The following CPLANE1 variants were observed in gnomAD, a reference collection of about 807,000 sequenced individuals.
CPLANE1 encodes the protein ciliogenesis and planar polarity effector complex subunit 1, also known as ciliogenesis and planar polarity effector 1.
Under a neutral mutation model 362.5 loss-of-function variants are expected in CPLANE1, and 263 were observed. That is an observed-to-expected ratio of 0.73 (90% CI 0.66 to 0.80). The LOEUF (loss-of-function observed/expected upper bound fraction) is 0.80, where lower values mean the gene tolerates loss of function less well. Among genes scored for constraint, CPLANE1 ranks in the 30% least tolerant of loss-of-function variants. The pLI is 0.00. For missense variants in CPLANE1, 3,461 were observed against 3,793.4 expected (o/e 0.91, Z 2.30); for synonymous variants, 1,212 against 1,302.6 (o/e 0.93, Z 1.50).
At chr5:37,099,820 C>G in the CPLANE1 span, among the ~76,000 whole-genome samples, 4 of 151,076 alleles carry the variant, frequency 2.6e-5, no homozygotes, top group Non-Finnish European at 5.9e-5. Context: ...TTCTTGACAT[C>G]TTAATTATCT....
intron 42 of CPLANE1, among the ~76,000 whole-genome samples, chr5:37,152,753 G>A (rs1245357041): frequency 6.6e-6 from 1 of 152,064 alleles, no homozygotes; most frequent in African/African-American, 2.4e-5. Flanking sequence ...GCTGAGAGTG[G>A]TGGTGCACAC....
At chr5:37,244,927 G>A (rs1356121842) in intron 4 of CPLANE1, among the ~76,000 whole-genome samples, 1 of 151,874 alleles carries the variant, frequency 6.6e-6, no homozygotes, top group Non-Finnish European at 1.5e-5. Context: ...AAGGCTGGGT[G>A]GATCACGAGG....
intron 10 of CPLANE1, 61 bp from the exon 11 acceptor site, chr5:37,227,453 G>A: frequency 1.3e-6 from 2 of 1,486,060 alleles, no homozygotes; most frequent in Non-Finnish European, 1.8e-6. Flanking sequence ...TCTATTATAA[G>A]CAATTAAAAA....
chr5:37,214,407 G>A (rs1412768733), intron 15 of CPLANE1, among the ~76,000 whole-genome samples: 2 of 152,030 alleles, frequency 1.3e-5, no homozygotes, highest in Admixed American at 6.6e-5. Context: ...TCTAGGAGGC[G>A]GAGGCTGCAG....
At chr5:37,227,156 C>G in intron 11 of CPLANE1, 83 bp from the exon 12 acceptor site, 2 of 1,506,978 alleles carry the variant, frequency 1.3e-6, no homozygotes, top group Non-Finnish European at 1.8e-6. Flanking sequence ...TTAAATTTCT[C>G]TTCCCTTTAA....
chr5:37,248,133 T>C (rs887833439), intron 1 of CPLANE1, among the ~76,000 whole-genome samples: 1 of 151,658 alleles, frequency 6.6e-6, no homozygotes, highest in Non-Finnish European at 1.5e-5. Context: ...TTTTGATTTA[T>C]ATTTTATTTC....
the CPLANE1 span, among the ~76,000 whole-genome samples, chr5:37,082,521 G>A: frequency 4.6e-5 from 7 of 152,200 alleles, no homozygotes; most frequent in Admixed American, 1.3e-4. Context: ...GAGCCCAGAT[G>A]TAAACCCAAG....
At chr5:37,194,547 G>T (rs1786647920) in intron 21 of CPLANE1, among the ~76,000 whole-genome samples, 1 of 152,112 alleles carries the variant, frequency 6.6e-6, no homozygotes, top group African/African-American at 2.4e-5. Flanking sequence ...CTCATGACAG[G>T]TGAGAGAAGC....
intron 43 of CPLANE1, among the ~76,000 whole-genome samples, chr5:37,146,620 C>A (rs572731404): frequency 1.8e-4 from 28 of 151,930 alleles, no homozygotes; most frequent in Non-Finnish European, 4.0e-4. Flanking sequence ...GAGATACATA[C>A]AAAATATTTA....
At chr5:37,193,320 C>A (rs1786205462) in intron 21 of CPLANE1, among the ~76,000 whole-genome samples, 1 of 152,068 alleles carries the variant, frequency 6.6e-6, no homozygotes, top group Middle Eastern at 3.2e-3. Flanking sequence ...TACATCTCTA[C>A]TTTGGTTTAA....
the CPLANE1 span, among the ~76,000 whole-genome samples, chr5:37,086,871 C>T: frequency 1.3e-5 from 2 of 152,156 alleles, no homozygotes; most frequent in African/African-American, 4.8e-5. Context: ...CAGTCCCCCA[C>T]AGGTGGTGAC....
intron 30 of CPLANE1, among the ~76,000 whole-genome samples, chr5:37,176,819 C>T (rs1220792197): frequency 1.3e-5 from 2 of 149,696 alleles, no homozygotes; most frequent in Non-Finnish European, 3.0e-5. Flanking sequence ...AGTGCAGTGG[C>T]CTGATCTCGG....
intron 40 of CPLANE1, 112 bp downstream of exon 40, chr5:37,157,558 C>CA: frequency 8.7e-7 from 1 of 1,144,020 alleles, no homozygotes; most frequent in Non-Finnish European, 1.3e-6. Context: ...TGTAAACATC[C>CA]AAAAATACAG....
chr5:37,184,180 A>T (rs1783383290), intron 25 of CPLANE1, among the ~76,000 whole-genome samples: 1 of 152,154 alleles, frequency 6.6e-6, no homozygotes, highest in Non-Finnish European at 1.5e-5. Flanking sequence ...CCACACAAAA[A>T]CTGGGAACTT....
At chr5:37,155,225 T>C (rs1774730799) in intron 41 of CPLANE1, among the ~76,000 whole-genome samples, 1 of 152,170 alleles carries the variant, frequency 6.6e-6, no homozygotes, top group Non-Finnish European at 1.5e-5. Flanking sequence ...CTCCAATACC[T>C]TCACCTTAAA....
Position 37,198,689 on chromosome 5 carries a change from G to A in CPLANE1, c.3672+13C>T, listed in dbSNP as rs1231106920. 4 of 1,608,804 alleles carry A rather than the reference G, an allele frequency of 2.5e-6. No individual in the cohort carries two copies. Among genetic ancestry groups the A allele is most frequent in the Non-Finnish European group, 3.4e-6 (4 of 1,176,744 alleles). ...GTTAACACAGCATGTAAATGACTAA[G>A]ATATTTCCATACCTTCTGCATGACT... On this transcript the variant is annotated intron_variant, in intron 20 of 52. Transcript: ENST00000651892.
intron 19 of CPLANE1, among the ~76,000 whole-genome samples, chr5:37,199,600 G>A (rs1257086170): frequency 6.6e-6 from 1 of 152,200 alleles, no homozygotes; most frequent in Non-Finnish European, 1.5e-5. Context: ...CTGATACATA[G>A]TAGGACCCAA....
Position 37,157,662 on chromosome 5 carries a change from A to G in CPLANE1, c.8011+8T>C, listed in dbSNP as rs1052221383. ...ATTATATTTGTTTTAAAAGTAGGAAAAAATTACCTTGACTCTTAAAATTAT... is the reference window on the plus strand; with the variant it reads ...ATTATATTTGTTTTAAAAGTAGGAAGAAATTACCTTGACTCTTAAAATTAT... On this transcript the variant is annotated splice_region_variant and intron_variant, in intron 40 of 52. Transcript: ENST00000651892. The G allele has an allele frequency of 6.2e-7, 1 of 1,609,786 alleles. No individual in the cohort carries two copies. The highest frequency in any genetic ancestry group is 8.5e-7 in the Non-Finnish European group (1 of 1,177,784).
intron 21 of CPLANE1, among the ~76,000 whole-genome samples, chr5:37,194,466 T>A (rs926947626): frequency 6.6e-6 from 1 of 152,140 alleles, no homozygotes; most frequent in Non-Finnish European, 1.5e-5. Flanking sequence ...ATAAATGAGA[T>A]TGTACATACT....
Sources: allele counts gnomAD v4.1 joint callset (sites outside exome capture counted in the v4.1 genomes callset), GRCh38; gene constraint gnomAD v4.1.1; transcripts MANE v1.5; gene names NCBI Gene and HGNC (gene_info 2026-07-23, HGNC 2026-07-21).